Variants in RBFOX1 observed in about 807,000 individuals in gnomAD.
RBFOX1 encodes the protein RNA binding protein fox-1 homolog 1.
RBFOX1 carries 8 observed loss-of-function variants against 57.7 expected under a neutral mutation model. That is an observed-to-expected ratio of 0.14 (90% CI 0.08 to 0.25). The LOEUF (loss-of-function observed/expected upper bound fraction) is 0.25, where lower values mean the gene tolerates loss of function less well. RBFOX1 is among the 10% of genes least tolerant of loss of function. RBFOX1 has a pLI of 1.00. For missense variants in RBFOX1, 611 were observed against 548.5 expected (o/e 1.11, Z -1.14); for synonymous variants, 326 against 222.4 (o/e 1.47, Z -4.15).
chr16:5,381,892 G>C (rs1421891411), intron 1 of RBFOX1, among the ~76,000 whole-genome samples: 1 of 152,214 alleles, frequency 6.6e-6, no homozygotes, highest in Non-Finnish European at 1.5e-5. Flanking sequence ...TCTCAGTCTT[G>C]GCGCTATTGA....
rs138696554 is a variant in RBFOX1, at chr16:6,523,282, G to T, written c.-63-131321G>T. ...GAGAAGAAGGAAGAGACAGAGGGAG[G>T]GGGGGTTAGTACTGGCAATAAGTTG... On this transcript the variant is annotated intron_variant, in intron 2 of 15. Coordinates refer to ENST00000550418, the MANE Select transcript of RBFOX1 (RefSeq NM_018723.4). Among the ~76,000 whole-genome samples the T allele has an allele frequency of 3.1e-3, 472 of 152,212 alleles. 4 individuals carry two copies. Among genetic ancestry groups the T allele is most frequent in the African/African-American group, 0.011 (444 of 41,526 alleles).
chr16:5,805,259 A>G (rs995060182), intron 3 of RBFOX1, among the ~76,000 whole-genome samples: 3 of 152,196 alleles, frequency 2.0e-5, no homozygotes, highest in African/African-American at 7.2e-5. Flanking sequence ...AGAGGGTCAG[A>G]CAGGATGGGT....
intron 1 of RBFOX1, among the ~76,000 whole-genome samples, chr16:5,464,413 T>C (rs2068890848): frequency 6.6e-6 from 1 of 152,152 alleles, no homozygotes. Context: ...GGAAAAGATG[T>C]CAGAGAGGGG....
chr16:7,442,976 C>T (rs1558339), intron 4 of RBFOX1, among the ~76,000 whole-genome samples: 31,635 of 152,170 alleles, frequency 0.21, 4,761 homozygotes, highest in African/African-American at 0.41. Flanking sequence ...TTATACCTTT[C>T]TCCCATAGTG....
intron 1 of RBFOX1, among the ~76,000 whole-genome samples, chr16:6,031,365 G>A (rs2095286620): frequency 6.6e-6 from 1 of 152,202 alleles, no homozygotes; most frequent in South Asian, 2.1e-4. Context: ...GCCTGCAGAG[G>A]CCAGAACAGG....
intron 1 of RBFOX1, among the ~76,000 whole-genome samples, chr16:6,293,336 C>T (rs1222511163): frequency 1.3e-5 from 2 of 152,224 alleles, no homozygotes; most frequent in Non-Finnish European, 2.9e-5. Context: ...TCAATACTTA[C>T]ATCTGCCATG....
chr16:7,532,191 G>A (rs1399154682), intron 5 of RBFOX1, among the ~76,000 whole-genome samples: 1 of 151,520 alleles, frequency 6.6e-6, no homozygotes, highest in Non-Finnish European at 1.5e-5. Flanking sequence ...ATGACAGGAG[G>A]TGGGTTTCGT....
chr16:6,352,746 T>A (rs1375958546), intron 2 of RBFOX1, among the ~76,000 whole-genome samples: 1 of 152,178 alleles, frequency 6.6e-6, no homozygotes, highest in Non-Finnish European at 1.5e-5. Context: ...TTCAATCCCA[T>A]CCATTAACTC....
intron 3 of RBFOX1, among the ~76,000 whole-genome samples, chr16:5,667,930 C>G (rs925901820): frequency 1.3e-5 from 2 of 152,144 alleles, no homozygotes; most frequent in Non-Finnish European, 2.9e-5. Context: ...AGAGATCTAC[C>G]TGTAGACCAC....
At chr16:5,901,449 G>A (rs1295840259) in intron 4 of RBFOX1, among the ~76,000 whole-genome samples, 1 of 152,184 alleles carries the variant, frequency 6.6e-6, no homozygotes, top group Non-Finnish European at 1.5e-5. Flanking sequence ...GTGCTCCACA[G>A]TCTCAGCTCA....
At chr16:6,898,405 A>C (rs1406090789) in intron 3 of RBFOX1, among the ~76,000 whole-genome samples, 3 of 152,174 alleles carry the variant, frequency 2.0e-5, no homozygotes, top group Non-Finnish European at 2.9e-5. Context: ...CCAGCCCCTG[A>C]CATTTCAGCT....
At chr16:6,359,747 C>G (rs543494378) in intron 2 of RBFOX1, among the ~76,000 whole-genome samples, 6 of 152,088 alleles carry the variant, frequency 3.9e-5, no homozygotes, top group Non-Finnish European at 8.8e-5. Context: ...TATAAGCCAG[C>G]CTTATACTTA....
chr16:5,818,084 T>C (rs1167668546), intron 3 of RBFOX1, among the ~76,000 whole-genome samples: 2 of 152,168 alleles, frequency 1.3e-5, no homozygotes, highest in East Asian at 1.9e-4. Flanking sequence ...AATAAAGATA[T>C]TCAATAACTT....
intron 4 of RBFOX1, among the ~76,000 whole-genome samples, chr16:7,158,680 A>C (rs1425729997): frequency 7.1e-6 from 1 of 140,622 alleles, no homozygotes; most frequent in South Asian, 2.4e-4. Context: ...GTATGTGTGT[A>C]TGGTGTGTCT....
At chr16:5,638,901 T>C (rs930204051) in intron 3 of RBFOX1, among the ~76,000 whole-genome samples, 2 of 152,200 alleles carry the variant, frequency 1.3e-5, no homozygotes, top group Non-Finnish European at 2.9e-5. Flanking sequence ...CAAACTCCTG[T>C]GTATCCTGTG....
intron 1 of RBFOX1, among the ~76,000 whole-genome samples, chr16:5,467,018 C>G (rs534258041): frequency 4.4e-4 from 67 of 152,284 alleles, no homozygotes; most frequent in African/African-American, 1.6e-3. Context: ...AGCCATTTGT[C>G]ATCTTGTTTG....
intron 2 of RBFOX1, among the ~76,000 whole-genome samples, chr16:6,560,174 CAAAAAAAAA>C (rs5815323): frequency 8.2e-6 from 1 of 121,498 alleles, no homozygotes; most frequent in Admixed American, 8.9e-5. Context: ...TGCCATTTAT[CAAAAAAAAA>C]AAAAAAAAAA....
intron 1 of RBFOX1, among the ~76,000 whole-genome samples, chr16:6,187,250 A>T (rs563886241): frequency 3.9e-5 from 6 of 152,136 alleles, no homozygotes; most frequent in African/African-American, 1.4e-4. Context: ...CCTTCTAGGG[A>T]AGTGAGTTGG....
At chr16:6,525,923 C>G (rs933735117) in intron 2 of RBFOX1, among the ~76,000 whole-genome samples, 1 of 151,542 alleles carries the variant, frequency 6.6e-6, no homozygotes, top group African/African-American at 2.4e-5. Flanking sequence ...GTGTCTGCTA[C>G]AAGCAGAGAA....
Sources: allele counts gnomAD v4.1 joint callset (sites outside exome capture counted in the v4.1 genomes callset), GRCh38; gene constraint gnomAD v4.1.1; transcripts MANE v1.5; gene names NCBI Gene and HGNC (gene_info 2026-07-23, HGNC 2026-07-21).